Variants in HSH2D observed in about 807,000 individuals in gnomAD.
HSH2D encodes the protein hematopoietic SH2 domain containing.
In HSH2D, 16 loss-of-function variants were observed where a neutral mutation model predicts 21.5. The observed-to-expected ratio is 0.74, with a 90% CI of 0.50 to 1.13. The LOEUF (loss-of-function observed/expected upper bound fraction) is 1.13. Ranked by LOEUF, HSH2D falls within the 50% of genes most tolerant of loss-of-function variation. The pLI, the probability that HSH2D is intolerant of heterozygous loss-of-function variation, is 0.00. For missense variants in HSH2D, 418 were observed against 441.4 expected, an observed-to-expected ratio of 0.95 and a Z score of 0.47; for synonymous variants, 172 against 184.7, an observed-to-expected ratio of 0.93 and a Z score of 0.56.
intron 1 of HSH2D, among the ~76,000 whole-genome samples, chr19:16,135,116 AAAT>A (rs756259167): frequency 2.6e-4 from 40 of 152,240 alleles, no homozygotes; most frequent in Non-Finnish European, 4.1e-4. Flanking sequence ...TCTTTACTAA[AAAT>A]ACAAAAATTA....
chr19:16,148,190 C>A (rs2145036999), intron 1 of HSH2D, among the ~76,000 whole-genome samples: 1 of 152,178 alleles, frequency 6.6e-6, no homozygotes, highest in South Asian at 2.1e-4. Flanking sequence ...ACTCTGTCGC[C>A]CAGGCTGGAG....
intron 4 of HSH2D, among the ~76,000 whole-genome samples, chr19:16,153,784 G>A (rs2091198500): frequency 6.7e-6 from 1 of 149,750 alleles, no homozygotes; most frequent in African/African-American, 2.5e-5. Flanking sequence ...CCCAGTGGGC[G>A]TGGCCTAGCC....
Position 16,145,314 on chromosome 19 carries a change from G to A in HSH2D, c.-28+1540G>A, listed in dbSNP as rs544167976. Among the ~76,000 whole-genome samples the A allele has an allele frequency of 3.0e-4, 46 of 151,988 alleles. 2 individuals carry two copies. Among genetic ancestry groups the A allele is most frequent in the South Asian group, 2.9e-3 (14 of 4,794 alleles). On this transcript the variant is annotated intron_variant, in intron 1 of 5. Coordinates refer to ENST00000613986, the MANE Select transcript of HSH2D (RefSeq NM_001382417.1). ...TGCAACCTCCGCCTCCCAGATTCAC[G>A]CAATTCTCCTGCCTCAGCCTCCTGA...
chr19:16,155,622 T>TC (rs998624418), intron 5 of HSH2D: 9 of 142,190 alleles, frequency 6.3e-5, no homozygotes, highest in African/African-American at 2.4e-4. Flanking sequence ...GGGAGGACTT[T>TC]TTTTTTTTTT....
upstream of HSH2D, chr19:16,143,634 C>T: frequency 2.6e-6 from 1 of 384,036 alleles, no homozygotes; most frequent in South Asian, 1.8e-5. Flanking sequence ...GCCCCCAGGG[C>T]TCACCTGCTT....
rs200923853 is a variant in HSH2D, at chr19:16,157,515, G to A, written c.780G>A (p.Ser260=). Residue 260 remains serine (S), a synonymous_variant, in exon 6 of 6, where the codon TCG becomes TCA. Transcript: ENST00000613986. This position sits in a 1 kb window ranked among gnomAD's most constrained non-coding sequence, Gnocchi z 4.4. ...AAGATCACTCAGGGGATCCCACCTC[G>A]GGGGACAGAGGCTACACGGATCCCT... ...GSQDHSGDPT[S]GDRGYTDPCV... is the part of the protein sequence containing the mutation. The A allele has an allele frequency of 1.4e-3, 2,303 of 1,613,912 alleles. 2 individuals are homozygous for A. The highest frequency in any genetic ancestry group is 1.8e-3 in the Non-Finnish European group (2,124 of 1,179,866).
rs1382365421 is a variant in HSH2D, at chr19:16,153,070, G to A, written c.243G>A (p.Met81Ile). The change falls in exon 4 of 6, where the codon ATG (methionine) becomes ATA (isoleucine). Residue 81 changes from methionine (M) to isoleucine (I), a missense_variant. By Grantham distance (10) the Met-to-Ile change is conservative (BLOSUM62 1). Coordinates refer to ENST00000613986, the MANE Select transcript of HSH2D (RefSeq NM_001382417.1). ...YKAQSSCCHF[M>I]VKLLDDGTFM... Reference sequence around the variant, plus strand: ...CCCAAAGCAGCTGCTGCCATTTCATGGTGAAGCTCTTGGATGATGGGACTT... The same window carrying A: ...CCCAAAGCAGCTGCTGCCATTTCATAGTGAAGCTCTTGGATGATGGGACTT... The A allele has an allele frequency of 6.2e-7, 1 of 1,611,336 alleles. No homozygotes were observed. The highest frequency in any genetic ancestry group is 1.7e-5 in the Admixed American group (1 of 59,602).
chr19:16,144,684 C>CTAT (rs2091039893), intron 1 of HSH2D, among the ~76,000 whole-genome samples: 1 of 113,760 alleles, frequency 8.8e-6, no homozygotes, highest in Non-Finnish European at 2.0e-5. Flanking sequence ...GAATTCTAGG[C>CTAT]TCTTTTTTTT....
chr19:16,153,890 T>G (rs1196857892), intron 4 of HSH2D, among the ~76,000 whole-genome samples: 1 of 151,836 alleles, frequency 6.6e-6, no homozygotes. Context: ...CATCTTTCCT[T>G]AGAAGGCTCA....
At chr19:16,140,658 G>A (rs908118516), upstream of HSH2D, among the ~76,000 whole-genome samples, 2 of 151,968 alleles carry the variant, frequency 1.3e-5, no homozygotes, top group Non-Finnish European at 2.9e-5. Flanking sequence ...AACACTTTGG[G>A]AGGCTGAGGC....
At chr19:16,137,029 G>T (rs564338156) in intron 1 of HSH2D, among the ~76,000 whole-genome samples, 1 of 152,172 alleles carries the variant, frequency 6.6e-6, no homozygotes, top group East Asian at 1.9e-4. Context: ...CCTCACTCTT[G>T]TGTGTCCACG....
At chr19:16,143,677 C>T (rs1161559586), upstream of HSH2D, 1 of 437,488 alleles carries the variant, frequency 2.3e-6, no homozygotes, top group Admixed American at 2.5e-5. Context: ...GGCAGCCAGC[C>T]CCGCCCCATT....
intron 1 of HSH2D, among the ~76,000 whole-genome samples, chr19:16,135,864 T>C (rs1448471462): frequency 6.6e-6 from 1 of 152,230 alleles, no homozygotes; most frequent in African/African-American, 2.4e-5. Flanking sequence ...ACTTCTGTAG[T>C]GTGCTTGTGT....
Position 16,157,422 on chromosome 19 carries a change from CTT to C in HSH2D, c.688_689del (p.Leu230ValfsTer71). On this transcript the variant is annotated frameshift_variant, in exon 6 of 6. Coordinates refer to ENST00000613986, the MANE Select transcript of HSH2D (RefSeq NM_001382417.1). LOFTEE classifies it low-confidence loss of function (END_TRUNC). This position sits in a 1 kb window ranked among gnomAD's most constrained non-coding sequence, Gnocchi z 4.4. ...TAAAAAGCCACCTCGCCACTGTGAA[CTT>C]GTCGTCACTCTTGGATGTCCGGAGA... ...QLKSHLATVNLSSLLDVRRST... is the reference protein window; with the variant it reads ...QLKSHLATVNXSSLLDVRRST... 6.2e-7 allele frequency: 1 copy of C among 1,613,922 alleles called. No homozygotes were observed.
At chr19:16,154,765 C>T in intron 5 of HSH2D, 1 of 300,700 alleles carries the variant, frequency 3.3e-6, no homozygotes, top group Non-Finnish European at 6.4e-6. Context: ...TCTGCGTGTG[C>T]CGGCCCCACC....
intron 1 of HSH2D, among the ~76,000 whole-genome samples, chr19:16,136,755 G>A (rs772107399): frequency 4.6e-5 from 7 of 152,092 alleles, no homozygotes; most frequent in Non-Finnish European, 8.8e-5. Flanking sequence ...GGACCCGCTT[G>A]CATGATAAAA....
At chr19:16,150,983 C>T (rs1416081307) in intron 2 of HSH2D, among the ~76,000 whole-genome samples, 1 of 152,188 alleles carries the variant, frequency 6.6e-6, no homozygotes, top group African/African-American at 2.4e-5. Context: ...GCTTGTCCCA[C>T]AGAAGGCGGC....
intron 1 of HSH2D, among the ~76,000 whole-genome samples, chr19:16,135,120 A>T (rs903980397): frequency 6.6e-6 from 1 of 152,014 alleles, no homozygotes; most frequent in South Asian, 2.1e-4. Context: ...TACTAAAAAT[A>T]CAAAAATTAG....
At chr19:16,139,239 A>G (rs2090983762), upstream of HSH2D, among the ~76,000 whole-genome samples, 1 of 152,234 alleles carries the variant, frequency 6.6e-6, no homozygotes, top group Non-Finnish European at 1.5e-5. Context: ...TGTGAAATCA[A>G]TGAATGAATA....
Sources: allele counts gnomAD v4.1 joint callset (sites outside exome capture counted in the v4.1 genomes callset), GRCh38; gene constraint gnomAD v4.1.1; non-coding constraint Gnocchi (gnomAD v3.1); transcripts MANE v1.5; gene names NCBI Gene and HGNC (gene_info 2026-07-23, HGNC 2026-07-21).